RBFOX3: variants seen among roughly 807,000 people sequenced by gnomAD.
The protein encoded by RBFOX3 is RNA binding fox-1 homolog 3.
A neutral mutation model predicts 48.7 loss-of-function variants in RBFOX3; 17 were observed. The observed-to-expected ratio is 0.35, with a 90% confidence interval of 0.24 to 0.52. RBFOX3 has a LOEUF of 0.52. Among genes scored for constraint, RBFOX3 ranks in the 20% least tolerant of loss-of-function variants. The pLI, the probability that RBFOX3 is intolerant of heterozygous loss-of-function variation, is 0.94. For synonymous variants in RBFOX3, 212 were observed against 209.5 expected (o/e 1.01, Z -0.10); for missense variants, 382 against 497.5 (o/e 0.77, Z 2.21).
chr17:79,337,446 G>A (rs7212688), intron 2 of RBFOX3, among the ~76,000 whole-genome samples: 126,704 of 152,152 alleles, frequency 0.83, 53,129 homozygotes, highest in Non-Finnish European at 0.89. Flanking sequence ...GGGCACATGC[G>A]TGTACAAGAA....
intron 4 of RBFOX3, among the ~76,000 whole-genome samples, chr17:79,229,860 C>T (rs1476437059): frequency 6.6e-6 from 1 of 152,196 alleles, no homozygotes; most frequent in Non-Finnish European, 1.5e-5. Flanking sequence ...GTTTCCTCAT[C>T]TGTAGAATAG....
chr17:79,467,764 T>C (rs1013315977), intron 2 of RBFOX3, among the ~76,000 whole-genome samples: 10 of 152,298 alleles, frequency 6.6e-5, no homozygotes, highest in African/African-American at 2.2e-4. Flanking sequence ...GGGATCACTA[T>C]GGTCTTTGTT....
intron 2 of RBFOX3, among the ~76,000 whole-genome samples, chr17:79,327,945 C>T (rs1309957467): frequency 6.6e-6 from 1 of 152,230 alleles, no homozygotes; most frequent in South Asian, 2.1e-4. Flanking sequence ...CCACCTACCT[C>T]GGCCTCCCAA....
intron 2 of RBFOX3, among the ~76,000 whole-genome samples, chr17:79,327,452 C>T (rs762919977): frequency 6.6e-5 from 10 of 152,318 alleles, no homozygotes; most frequent in African/African-American, 1.2e-4. Context: ...GTGGCCTGAG[C>T]GATGGTGTCC....
intron 4 of RBFOX3, among the ~76,000 whole-genome samples, chr17:79,176,691 T>G (rs1424540472): frequency 6.6e-6 from 1 of 150,726 alleles, no homozygotes; most frequent in East Asian, 2.0e-4. Context: ...GCCTGGGGGA[T>G]GAGGAGGGGC....
At chr17:79,617,522 A>C in the RBFOX3 span, among the ~76,000 whole-genome samples, 2 of 152,286 alleles carry the variant, frequency 1.3e-5, no homozygotes, top group South Asian at 4.1e-4. Flanking sequence ...CCTTTACTGC[A>C]GGTGGCCCCG....
the RBFOX3 span, among the ~76,000 whole-genome samples, chr17:79,629,420 G>C: frequency 6.6e-6 from 1 of 152,106 alleles, no homozygotes; most frequent in African/African-American, 2.4e-5. Context: ...AGTCACCAAA[G>C]CAAAGCAAAT....
chr17:79,499,468 T>C (rs985014444), intron 1 of RBFOX3, among the ~76,000 whole-genome samples: 39 of 152,042 alleles, frequency 2.6e-4, no homozygotes, highest in African/African-American at 8.7e-4. Context: ...CACTCACCCA[T>C]CCACCATCCA....
At chr17:79,091,755 C>T (rs1036632210) in intron 14 of RBFOX3, among the ~76,000 whole-genome samples, 5 of 152,180 alleles carry the variant, frequency 3.3e-5, no homozygotes, top group African/African-American at 1.2e-4. Context: ...GGCTGTGCCT[C>T]CAGGACAACC....
chr17:79,655,358 T>A, the RBFOX3 span, among the ~76,000 whole-genome samples: 1 of 152,136 alleles, frequency 6.6e-6, no homozygotes, highest in Admixed American at 6.5e-5. Flanking sequence ...AATAACCACG[T>A]TCCCACCCCC....
chr17:79,277,280 C>T (rs9900180), intron 3 of RBFOX3, among the ~76,000 whole-genome samples: 11 of 86,894 alleles, frequency 1.3e-4, no homozygotes, highest in Middle Eastern at 5.2e-3. Context: ...CCTCCAAGGC[C>T]TCCAAGGATT....
At chr17:79,266,866 G>T (rs966723627) in intron 3 of RBFOX3, among the ~76,000 whole-genome samples, 1 of 152,150 alleles carries the variant, frequency 6.6e-6, no homozygotes, top group African/African-American at 2.4e-5. Context: ...GTGATGGGGT[G>T]AGGGCATAGG....
At chr17:79,632,419 C>T in the RBFOX3 span, among the ~76,000 whole-genome samples, 73 of 152,158 alleles carry the variant, frequency 4.8e-4, no homozygotes, top group African/African-American at 1.6e-3. Context: ...TCCAGAGGGA[C>T]CCCTGTTGGT....
chr17:79,460,248 C>CATGTT (rs1367993363), intron 2 of RBFOX3, among the ~76,000 whole-genome samples: 1 of 152,112 alleles, frequency 6.6e-6, no homozygotes, highest in Non-Finnish European at 1.5e-5. Flanking sequence ...ATTAATAGTT[C>CATGTT]ATGTTATGTT....
intron 1 of RBFOX3, among the ~76,000 whole-genome samples, chr17:79,483,957 G>T (rs1276991237): frequency 1.3e-5 from 2 of 151,322 alleles, no homozygotes; most frequent in African/African-American, 4.9e-5. Flanking sequence ...CCCAAGCCTG[G>T]GAAGTCTTGT....
intron 1 of RBFOX3, among the ~76,000 whole-genome samples, chr17:79,540,253 G>C (rs1304953855): frequency 7.9e-5 from 12 of 152,230 alleles, no homozygotes; most frequent in African/African-American, 2.9e-4. Flanking sequence ...CTGAGAGCCA[G>C]GATGTCACTT....
At chr17:79,142,393 G>T (rs927608901) in intron 4 of RBFOX3, among the ~76,000 whole-genome samples, 2 of 152,148 alleles carry the variant, frequency 1.3e-5, no homozygotes, top group Admixed American at 6.5e-5. Flanking sequence ...ATTTTTAATT[G>T]AATGTATTCT....
intron 2 of RBFOX3, among the ~76,000 whole-genome samples, chr17:79,413,868 G>C (rs2064879644): frequency 6.6e-6 from 1 of 152,182 alleles, no homozygotes; most frequent in Admixed American, 6.5e-5. Context: ...TGGGGCCTGG[G>C]TTCTGTGCCA....
intron 4 of RBFOX3, among the ~76,000 whole-genome samples, chr17:79,185,352 C>T: frequency 6.6e-6 from 1 of 152,210 alleles, no homozygotes; most frequent in East Asian, 1.9e-4. Context: ...GTTTCCCAGC[C>T]TAGGACAGTG....
Sources: gnomAD v4.1 joint callset for allele counts (sites outside exome capture counted in the v4.1 genomes callset) on GRCh38, gnomAD v4.1.1 for gene constraint, MANE v1.5 for transcripts, NCBI Gene and HGNC (gene_info 2026-07-23, HGNC 2026-07-21) for gene names.